FASN: variants seen among roughly 807,000 people sequenced by gnomAD.
The protein encoded by FASN is fatty acid synthase, also known as 3-hydroxyacyl-[acyl-carrier-protein] dehydratase.
FASN carries 50 observed loss-of-function variants against 250.0 expected under a neutral mutation model. The ratio of observed to expected loss-of-function variants is 0.20; its 90% CI spans 0.16 to 0.25. The LOEUF is 0.25. FASN is among the 10% of genes least tolerant of loss of function. FASN has a pLI of 1.00. For synonymous variants in FASN, 1,909 were observed against 1,584.0 expected (o/e 1.21, Z -4.87); for missense variants, 3,031 against 3,498.5 (o/e 0.87, Z 3.37).
chr17:82,088,557 T>A lies in FASN; in HGVS notation c.2426A>T (p.Asp809Val). The A allele has an allele frequency of 6.2e-7, 1 of 1,604,698 alleles. No homozygotes were observed. The highest frequency in any genetic ancestry group is 8.5e-7 in the Non-Finnish European group (1 of 1,174,842). The stretch of plus-strand genomic sequence containing the variant: ...TGGGAACAAGGCATTGGGGTTGGCG[T>A]CGATGCTACGGAGAAGGGAGGCATG... ...GIGRLHLSGIDANPNALFPPV... is the reference protein window; with the variant it reads ...GIGRLHLSGIVANPNALFPPV... Residue 809 changes from aspartate (D) to valine (V), a missense_variant, in exon 16 of 43, where the codon GAC becomes GTC. By Grantham distance (152) the Asp-to-Val change is radical (BLOSUM62 -3). Transcript: ENST00000306749.
At chr17:82,087,580 C>G in intron 19 of FASN, 76 bp from the exon 20 acceptor site, 3 of 1,601,376 alleles carry the variant, frequency 1.9e-6, no homozygotes, top group Non-Finnish European at 2.5e-6. Flanking sequence ...CCGGGCCCCT[C>G]TGCTCCCTCC....
Position 82,080,434 on chromosome 17 carries a change from G to A in FASN, c.6983C>T (p.Ala2328Val). 6.3e-7 allele frequency: 1 copy of A among 1,596,456 alleles called. No homozygotes were observed. The highest frequency in any genetic ancestry group is 8.5e-7 in the Non-Finnish European group (1 of 1,172,370). ...CSQLQAQQSP[A>V]PTHNSLFLFD... Reference sequence around the variant, plus strand: ...CAGGAAGAGGCTGTTGTGGGTGGGGGCTGGGCTCTGCTGGGCCTGCAGCTG... The same window carrying A: ...CAGGAAGAGGCTGTTGTGGGTGGGGACTGGGCTCTGCTGGGCCTGCAGCTG... The change falls in exon 40 of 43, where the codon GCC (alanine) becomes GTC (valine). Residue 2328 changes from alanine (A) to valine (V), a missense_variant. Coordinates refer to ENST00000306749, the MANE Select transcript of FASN (RefSeq NM_004104.5).
In FASN at chr17:82,079,389, C is replaced by T. The variant is rs756394843; in HGVS notation, c.7366G>A (p.Glu2456Lys). 5 of 1,613,004 alleles carry T rather than the reference C, an allele frequency of 3.1e-6. No individual in the cohort carries two copies. The highest frequency in any genetic ancestry group is 4.5e-5 in the East Asian group (2 of 44,880). ...AGGTTGTAGTCCGCGCCCAGGTCCT[C>T]GCCGTAGGCGCCACCCGTCTTGGCG... ...LRAKTGGAYG[E>K]DLGADYNLSQ... Residue 2456 changes from glutamate (E) to lysine (K), a missense_variant, in exon 42 of 43, where the codon GAG (glutamate) becomes AAG (lysine). Transcript: ENST00000306749.
Position 82,080,596 on chromosome 17 carries a change from A to G in FASN, c.6827-6T>C. On this transcript the variant is annotated splice_region_variant and splice_polypyrimidine_tract_variant and intron_variant, in intron 39 of 42. Transcript: ENST00000306749. ...GATGCTGTCAAGGGGCGCAGCTGCA[A>G]TGGCAGTGCCGGGCACTCAGCATGT... 1 of 1,553,806 alleles carries G rather than the reference A, an allele frequency of 6.4e-7. No homozygotes were observed. The highest frequency in any genetic ancestry group is 1.2e-5 in the South Asian group (1 of 84,504).
intron 1 of FASN, 35 bp from the exon 2 acceptor site, chr17:82,096,487 C>T: frequency 6.2e-7 from 1 of 1,606,340 alleles, no homozygotes; most frequent in Non-Finnish European, 8.5e-7. Context: ...CCCACACATC[C>T]CGGCCACGAC....
At chr17:82,082,270 G>A (rs939467785) in intron 35 of FASN, 53 bp downstream of exon 35, 22 of 1,607,338 alleles carry the variant, frequency 1.4e-5, no homozygotes, top group African/African-American at 1.1e-4. Flanking sequence ...TGGCTCCCAC[G>A]GCCCTGAGCC....
Position 82,086,472 on chromosome 17 carries a change from C to T in FASN, c.3514G>A (p.Asp1172Asn). 1 of 1,612,474 alleles carries T rather than the reference C, an allele frequency of 6.2e-7. No homozygotes were observed. The highest frequency in any genetic ancestry group is 8.5e-7 in the Non-Finnish European group (1 of 1,179,958). ...CGGGGCAGTTCCTGCTGTGAGGGGT[C>T]CCGGGGGATCTGGGCCCCATCCAGT... is the stretch of plus-strand genomic sequence containing the variant. ...PGLDGAQIPR[D>N]PSQQELPRLL... Residue 1172 changes from aspartate (D) to asparagine (N), a missense_variant, in exon 22 of 43, where the codon GAC becomes AAC. Physicochemically the swap from Asp to Asn is conservative, Grantham distance 23 (BLOSUM62 1). Coordinates refer to ENST00000306749, the MANE Select transcript of FASN (RefSeq NM_004104.5).
intron 8 of FASN, among the ~76,000 whole-genome samples, chr17:82,092,051 G>A (rs866757639): frequency 3.9e-5 from 6 of 152,198 alleles, no homozygotes; most frequent in South Asian, 2.1e-4. Context: ...GGGCTCCTGT[G>A]CCTGGTCTCT....
rs377733692 is a variant in FASN at position 82,085,163 on chromosome 17, C to A, written c.4288-7G>T. On this transcript the variant is annotated splice_polypyrimidine_tract_variant and splice_region_variant and intron_variant, in intron 24 of 42. Transcript: ENST00000306749. ...CTTCGTCAGCCAGGATGCCCTACAG[C>A]GGGTCGGGGAGGGTCAGGCCACACT... 8 of 1,594,356 alleles carry A rather than the reference C, an allele frequency of 5.0e-6. No homozygotes were observed. The Admixed American group carries it at 6.7e-5, about 13-fold the overall frequency.
rs762559616 is a variant in FASN, at chr17:82,092,690, G to T, written c.894+7C>A. 1.3e-6 allele frequency: 1 copy of T among 785,318 alleles called. No homozygotes were observed. The allele number at this position is 785,318 out of a possible 1,614,324, so 48.6% of individuals were successfully genotyped here. ...GTGGTGAGTGGGGCGGGGGGGGGGG[G>T]CATCACCTTGGTGCCTGTGCCGTGG... On this transcript the variant is annotated splice_region_variant and intron_variant, in intron 7 of 42. Transcript: ENST00000306749.
Position 82,095,522 on chromosome 17 carries a change from G to C in FASN, c.128-50C>G, listed in dbSNP as rs1375168977. On this transcript the variant is annotated intron_variant, in intron 2 of 42. Transcript: ENST00000306749. ...TCTCTGACGGAAGCTGCCCAGAGGT[G>C]GGGGCCCTGTGGGGTGCTGCAGGCC... 3 of 1,604,558 alleles carry C rather than the reference G, an allele frequency of 1.9e-6. No individual in the cohort carries two copies. In the African/African-American group the frequency reaches 4.0e-5, roughly 21 times the overall value.
At chr17:82,088,740 C>T (rs1292253117) in intron 15 of FASN, 21 bp downstream of exon 15, 1 of 1,602,422 alleles carries the variant, frequency 6.2e-7, no homozygotes, top group Non-Finnish European at 8.5e-7. Context: ...GAGACGAGAC[C>T]CGGGCTGGGA....
intron 37 of FASN, 94 bp from the exon 38 acceptor site, chr17:82,081,446 A>C: frequency 1.3e-6 from 2 of 1,568,676 alleles, no homozygotes; most frequent in African/African-American, 2.7e-5. Flanking sequence ...TGGGCTGTGC[A>C]TCTCCCAAAG....
At position 82,092,594 on chromosome 17, in the gene FASN, G is replaced by A; in HGVS notation, c.895-5C>T. The A allele has an allele frequency of 6.2e-7, 1 of 1,606,034 alleles. No individual in the cohort carries two copies. The highest frequency in any genetic ancestry group is 1.1e-5 in the South Asian group (1 of 90,990). Reference sequence around the variant, plus strand: ...CAGCTCCTGGGGGTCGCCCACCTGTGGGAAACATGGGGGGTGAGGGGCTCT... The same window carrying A: ...CAGCTCCTGGGGGTCGCCCACCTGTAGGAAACATGGGGGGTGAGGGGCTCT... On this transcript the variant is annotated splice_region_variant and splice_polypyrimidine_tract_variant and intron_variant, in intron 7 of 42. Coordinates refer to ENST00000306749, the MANE Select transcript of FASN (RefSeq NM_004104.5).
rs752185944 is a variant in FASN at position 82,080,153 on chromosome 17, A to G, written c.7133T>C (p.Met2378Thr). Residue 2378 changes from methionine (M) to threonine (T), a missense_variant, in exon 41 of 43, where the codon ATG becomes ACG. By Grantham distance (81) the Met-to-Thr change is moderately conservative (BLOSUM62 -1). Coordinates refer to ENST00000306749, the MANE Select transcript of FASN (RefSeq NM_004104.5). ...TCCAGGACCCACCCTGTTGTGCTCC[A>G]TGTCCGTGAACTGCTGCACGAAGAA... ...ICFFVQQFTD[M>T]EHNRVLEALL... 2 of 1,613,132 alleles carry G rather than the reference A, an allele frequency of 1.2e-6. No homozygotes were observed. Among genetic ancestry groups the G allele is most frequent in the Admixed American group, 1.7e-5 (1 of 60,030 alleles).
rs374289785 is a variant in FASN at position 82,085,151 on chromosome 17, G to C, written c.4293C>G (p.Ile1431Met). 6 of 1,612,588 alleles carry C rather than the reference G, an allele frequency of 3.7e-6. No homozygotes were observed. Among genetic ancestry groups the C allele is most frequent in the Middle Eastern group, 1.6e-4 (1 of 6,062 alleles). Residue 1431 changes from isoleucine (I) to methionine (M), a missense_variant, in exon 25 of 43, where the codon ATC becomes ATG. By Grantham distance (10) the Ile-to-Met change is conservative (BLOSUM62 1). Transcript: ENST00000306749. ...SFRWVESLKG[I>M]LADEDSSRPV... ...GCCGGGAAGAGTCTTCGTCAGCCAG[G>C]ATGCCCTACAGCGGGTCGGGGAGGG...
chr17:82,092,020 C>T (rs916389629), intron 8 of FASN, among the ~76,000 whole-genome samples: 3 of 152,168 alleles, frequency 2.0e-5, no homozygotes, highest in East Asian at 1.9e-4. Context: ...GGGCAGAGGG[C>T]GTGAGTGATC....
Position 82,095,463 on chromosome 17 carries a change from C to G in FASN, c.137G>C (p.Gly46Ala). The change falls in exon 3 of 43, where the codon GGC becomes GCC. Residue 46 changes from glycine to alanine, a missense_variant. Transcript: ENST00000306749. ...CAGCTTGCCGGACCGCCGGGGCAGG[C>G]CGTAGAGCCCTGTGGGACAGGCGGG... ...DDRRWKAGLYGLPRRSGKLKD... is the reference protein window; with the variant it reads ...DDRRWKAGLYALPRRSGKLKD... 1 of 1,612,334 alleles carries G rather than the reference C, an allele frequency of 6.2e-7. No homozygotes were observed. The highest frequency in any genetic ancestry group is 8.5e-7 in the Non-Finnish European group (1 of 1,179,998).
chr17:82,088,707 C>T (rs2034149316), intron 15 of FASN, 54 bp downstream of exon 15: 2 of 1,553,354 alleles, frequency 1.3e-6, no homozygotes, highest in Admixed American at 3.4e-5. Flanking sequence ...CGCTCACCCA[C>T]CCCACGCCGT....
Sources: allele counts gnomAD v4.1 joint callset (sites outside exome capture counted in the v4.1 genomes callset), GRCh38; gene constraint gnomAD v4.1.1; transcripts MANE v1.5; gene names NCBI Gene and HGNC (gene_info 2026-07-23, HGNC 2026-07-21).